Variants in TAFA2 observed in about 807,000 individuals in gnomAD.
The protein encoded by TAFA2 is TAFA chemokine like family member 2.
Under a neutral mutation model 18.8 loss-of-function variants are expected in TAFA2, and 7 were observed. The ratio of observed to expected loss-of-function variants is 0.37; its 90% CI spans 0.21 to 0.70. The LOEUF (loss-of-function observed/expected upper bound fraction) is 0.70. Among genes scored for constraint, TAFA2 ranks in the 30% least tolerant of loss-of-function variants. The pLI, the probability that TAFA2 is intolerant of heterozygous loss-of-function variation, is 0.53. For missense variants in TAFA2, 122 were observed against 158.1 expected (o/e 0.77, Z 1.23); for synonymous variants, 60 against 54.2 (o/e 1.11, Z -0.47).
intron 1 of TAFA2, among the ~76,000 whole-genome samples, chr12:62,042,769 T>A (rs1881798867): frequency 6.6e-6 from 1 of 152,074 alleles, no homozygotes; most frequent in African/African-American, 2.4e-5. Context: ...AATGCCTGCC[T>A]CATTCCAGCG....
chr12:61,999,569 C>T (rs1408746438), intron 1 of TAFA2, among the ~76,000 whole-genome samples: 2 of 152,160 alleles, frequency 1.3e-5, no homozygotes, highest in Non-Finnish European at 2.9e-5. Context: ...ATGTGCCCAG[C>T]TCCATGCTAA....
intron 1 of TAFA2, among the ~76,000 whole-genome samples, chr12:62,016,122 T>C (rs1416936226): frequency 6.6e-6 from 1 of 152,194 alleles, no homozygotes. Flanking sequence ...TTTCAAACAA[T>C]GTAGTAGTCA....
chr12:62,152,995 A>C (rs889559926), intron 1 of TAFA2, among the ~76,000 whole-genome samples: 1 of 152,222 alleles, frequency 6.6e-6, no homozygotes, highest in African/African-American at 2.4e-5. Context: ...GGATCTATTA[A>C]TAATGCTAGC....
At chr12:62,076,576 G>A (rs552926982) in intron 1 of TAFA2, among the ~76,000 whole-genome samples, 4 of 151,998 alleles carry the variant, frequency 2.6e-5, no homozygotes, top group African/African-American at 4.8e-5. Flanking sequence ...GCTAAGGTTC[G>A]ACACCACACA....
intron 1 of TAFA2, among the ~76,000 whole-genome samples, chr12:62,020,348 G>A (rs116400014): frequency 3.5e-4 from 54 of 152,210 alleles, no homozygotes; most frequent in African/African-American, 1.3e-3. Context: ...TTTCTACTGG[G>A]AAAAAATGGC....
At chr12:61,930,885 G>A (rs1346307400) in intron 1 of TAFA2, among the ~76,000 whole-genome samples, 1 of 152,182 alleles carries the variant, frequency 6.6e-6, no homozygotes, top group Admixed American at 6.6e-5. Flanking sequence ...TCCTTTGATA[G>A]CCTTGATGTT....
chr12:62,083,188 A>G (rs545958364), intron 1 of TAFA2, among the ~76,000 whole-genome samples: 22 of 151,506 alleles, frequency 1.5e-4, no homozygotes, highest in African/African-American at 5.3e-4. Context: ...AGGATTATGA[A>G]CTGAAGGAGA....
At chr12:62,241,837 A>G (rs1472471807) in intron 1 of TAFA2, among the ~76,000 whole-genome samples, 4 of 152,324 alleles carry the variant, frequency 2.6e-5, no homozygotes, top group Non-Finnish European at 4.4e-5. Flanking sequence ...CAAGCACCTC[A>G]TCAAAATTCC....
At chr12:61,930,780 T>G (rs1877523280) in intron 1 of TAFA2, among the ~76,000 whole-genome samples, 1 of 152,212 alleles carries the variant, frequency 6.6e-6, no homozygotes. Flanking sequence ...TCACTCTGCA[T>G]GAGGAAGAGA....
intron 1 of TAFA2, among the ~76,000 whole-genome samples, chr12:62,008,791 A>G (rs1880639306): frequency 6.6e-6 from 1 of 152,184 alleles, no homozygotes; most frequent in Non-Finnish European, 1.5e-5. Context: ...GTTTTGACAA[A>G]TGCCTGACAC....
intron 1 of TAFA2, among the ~76,000 whole-genome samples, chr12:61,936,331 C>T (rs1480753313): frequency 9.9e-5 from 15 of 152,106 alleles, no homozygotes; most frequent in Non-Finnish European, 2.1e-4. Flanking sequence ...CTTTGGGAGG[C>T]TGAGGTGGGT....
chr12:62,252,849 A>G (rs1375858670), intron 1 of TAFA2: 2 of 152,184 alleles, frequency 1.3e-5, no homozygotes, highest in Non-Finnish European at 2.9e-5. Context: ...ATCCTGTGTC[A>G]TGAGATCAAA....
intron 1 of TAFA2, among the ~76,000 whole-genome samples, chr12:62,180,047 G>A (rs925881713): frequency 6.6e-6 from 1 of 152,182 alleles, no homozygotes; most frequent in Admixed American, 6.5e-5. Flanking sequence ...AAGACAGTAA[G>A]CAAGGAAAAT....
At chr12:61,740,023 G>A (rs1868377932) in intron 4 of TAFA2, among the ~76,000 whole-genome samples, 1 of 152,048 alleles carries the variant, frequency 6.6e-6, no homozygotes, top group Non-Finnish European at 1.5e-5. Context: ...AAGTTGCAAA[G>A]CAAAGATTGC....
At chr12:62,031,406 C>A (rs1341329575) in intron 1 of TAFA2, among the ~76,000 whole-genome samples, 2 of 152,124 alleles carry the variant, frequency 1.3e-5, no homozygotes, top group Non-Finnish European at 2.9e-5. Flanking sequence ...ATCAGACTGG[C>A]TCTCTTTGCT....
intron 1 of TAFA2, among the ~76,000 whole-genome samples, chr12:62,137,695 C>A (rs1439490230): frequency 6.6e-6 from 1 of 152,078 alleles, no homozygotes; most frequent in Non-Finnish European, 1.5e-5. Flanking sequence ...ATCATCATCT[C>A]CCCCTGGATT....
chr12:61,843,099 T>C (rs1049403824), intron 2 of TAFA2, among the ~76,000 whole-genome samples: 4 of 152,046 alleles, frequency 2.6e-5, no homozygotes, highest in African/African-American at 9.7e-5. Context: ...AAATGTTCAG[T>C]AGGCCTTTAG....
chr12:62,035,197 T>C (rs1881565865), intron 1 of TAFA2, among the ~76,000 whole-genome samples: 1 of 152,170 alleles, frequency 6.6e-6, no homozygotes, highest in Non-Finnish European at 1.5e-5. Flanking sequence ...TGATGACTGA[T>C]TCATTGAAGA....
At chr12:62,183,239 G>GTTCT (rs2062563695) in intron 1 of TAFA2, among the ~76,000 whole-genome samples, 1 of 152,194 alleles carries the variant, frequency 6.6e-6, no homozygotes, top group Admixed American at 6.5e-5. Context: ...TGAGGGTCTA[G>GTTCT]TAAGATGGTG....
Sources: allele counts gnomAD v4.1 joint callset (sites outside exome capture counted in the v4.1 genomes callset), GRCh38; gene constraint gnomAD v4.1.1; transcripts MANE v1.5; gene names NCBI Gene and HGNC (gene_info 2026-07-23, HGNC 2026-07-21).